Variants in LGSN observed in about 807,000 individuals in gnomAD.
LGSN encodes lengsin, lens protein with glutamine synthetase domain, also known as lengsin.
In LGSN, 21 loss-of-function variants were observed where a neutral mutation model predicts 19.5. The ratio of observed to expected loss-of-function variants is 1.07; its 90% CI spans 0.76 to 1.55. LGSN has a LOEUF of 1.55. LGSN is among the 40% of genes most tolerant of loss of function. LGSN has a pLI of 0.00. For missense variants in LGSN, 673 were observed against 608.5 expected, an observed-to-expected ratio of 1.11 and a Z score of -1.12; for synonymous variants, 257 against 215.6, an observed-to-expected ratio of 1.19 and a Z score of -1.68.
the LGSN span, among the ~76,000 whole-genome samples, chr6:63,440,042 C>CAA: frequency 3.9e-5 from 6 of 152,272 alleles, no homozygotes; most frequent in South Asian, 1.2e-3. Flanking sequence ...TTTAAAAAGA[C>CAA]AAACATAGGT....
chr6:63,416,959 A>AC, the LGSN span, among the ~76,000 whole-genome samples: 4 of 150,320 alleles, frequency 2.7e-5, no homozygotes, highest in East Asian at 7.8e-4. Context: ...ACACACACAC[A>AC]TTTAACGAAA....
At chr6:63,526,777 A>C in the LGSN span, among the ~76,000 whole-genome samples, 1 of 145,474 alleles carries the variant, frequency 6.9e-6, no homozygotes, top group Non-Finnish European at 1.5e-5. Flanking sequence ...CCAACCTGCG[A>C]CAGAGCAAGA....
At chr6:63,475,083 A>G in the LGSN span, among the ~76,000 whole-genome samples, 1 of 152,142 alleles carries the variant, frequency 6.6e-6, no homozygotes, top group East Asian at 1.9e-4. Flanking sequence ...CTGTAAGAAC[A>G]ATGACCTCTA....
At position 63,277,076 on chromosome 6, in the gene LGSN, G is replaced by C. The variant is rs192059748; in HGVS notation, c.*2945C>G. Reference sequence around the variant, plus strand: ...TGGCTGAATATTTTCTTTGACTCACGACTGTACACTTAATACTGAAGATAA... The same window carrying C: ...TGGCTGAATATTTTCTTTGACTCACCACTGTACACTTAATACTGAAGATAA... On this transcript the variant is annotated 3_prime_UTR_variant, in exon 4 of 4. Coordinates refer to ENST00000370657, the MANE Select transcript of LGSN (RefSeq NM_016571.3). 1.3e-5 allele frequency: 2 copies of C among 152,122 alleles called. No homozygotes were observed. The highest frequency in any genetic ancestry group is 4.8e-5 in the African/African-American group (2 of 41,410). 9.4% of individuals were successfully genotyped at this position (152,122 alleles called of 1,614,324 possible).
chr6:63,491,151 C>A, the LGSN span, among the ~76,000 whole-genome samples: 1 of 152,168 alleles, frequency 6.6e-6, no homozygotes, highest in South Asian at 2.1e-4. Flanking sequence ...GGTTAACCAG[C>A]ACCTTTCTCT....
At chr6:63,528,592 A>G in the LGSN span, among the ~76,000 whole-genome samples, 13 of 151,938 alleles carry the variant, frequency 8.6e-5, no homozygotes, top group Non-Finnish European at 1.8e-4. Flanking sequence ...TTAGCCAGCC[A>G]TGAAAAACTA....
the LGSN span, among the ~76,000 whole-genome samples, chr6:63,521,219 T>G: frequency 1.3e-5 from 2 of 149,624 alleles, no homozygotes; most frequent in East Asian, 3.9e-4. Context: ...GCCCAAAACT[T>G]AAAGTAAAAT....
the LGSN span, among the ~76,000 whole-genome samples, chr6:63,421,638 G>A: frequency 2.3e-4 from 35 of 151,840 alleles, no homozygotes; most frequent in African/African-American, 8.2e-4. Context: ...TGAGGCAAGA[G>A]AATCGCTTAA....
the LGSN span, among the ~76,000 whole-genome samples, chr6:63,354,646 A>G: frequency 6.6e-6 from 1 of 152,168 alleles, no homozygotes; most frequent in Admixed American, 6.5e-5. Context: ...GCAATTATCC[A>G]AAGGAAAGGA....
At chr6:63,302,485 A>G (rs1304979434) in intron 1 of LGSN, among the ~76,000 whole-genome samples, 1 of 152,240 alleles carries the variant, frequency 6.6e-6, no homozygotes, top group Non-Finnish European at 1.5e-5. Flanking sequence ...AATGATATAC[A>G]TTTGGACGGG....
chr6:63,404,537 A>G, the LGSN span, among the ~76,000 whole-genome samples: 1 of 152,278 alleles, frequency 6.6e-6, no homozygotes, highest in East Asian at 1.9e-4. Context: ...CAAGATCAGG[A>G]CACCAGCAGA....
At chr6:63,439,087 A>G in the LGSN span, among the ~76,000 whole-genome samples, 4 of 152,202 alleles carry the variant, frequency 2.6e-5, no homozygotes, top group Admixed American at 1.3e-4. Flanking sequence ...CATCATTCTC[A>G]GTAAACTATC....
chr6:63,513,928 A>C, the LGSN span, among the ~76,000 whole-genome samples: 50 of 149,088 alleles, frequency 3.4e-4, 3 homozygotes, highest in African/African-American at 1.2e-3. Flanking sequence ...AAAAAAAAAA[A>C]AAAAAAAACA....
the LGSN span, among the ~76,000 whole-genome samples, chr6:63,417,157 C>G: frequency 5.9e-5 from 9 of 152,136 alleles, no homozygotes; most frequent in African/African-American, 2.2e-4. Flanking sequence ...GAAGAAAAGA[C>G]ATACTTCTTC....
At chr6:63,469,319 C>T in the LGSN span, among the ~76,000 whole-genome samples, 1 of 152,138 alleles carries the variant, frequency 6.6e-6, no homozygotes, top group African/African-American at 2.4e-5. Context: ...TTGATTGCTT[C>T]TTTATGCTTT....
At chr6:63,466,706 C>A in the LGSN span, among the ~76,000 whole-genome samples, 1 of 152,010 alleles carries the variant, frequency 6.6e-6, no homozygotes, top group Non-Finnish European at 1.5e-5. Flanking sequence ...AAGTTTTGGA[C>A]CCAAGCAACT....
At chr6:63,403,607 ATC>A in the LGSN span, among the ~76,000 whole-genome samples, 1 of 152,194 alleles carries the variant, frequency 6.6e-6, no homozygotes, top group Non-Finnish European at 1.5e-5. Flanking sequence ...TCGGGGGAAG[ATC>A]AATACAATTG....
chr6:63,364,733 T>G, the LGSN span, among the ~76,000 whole-genome samples: 3 of 151,542 alleles, frequency 2.0e-5, no homozygotes, highest in African/African-American at 7.3e-5. Context: ...TACAAAAAAC[T>G]GTCTCTCAGA....
At chr6:63,475,392 G>C in the LGSN span, among the ~76,000 whole-genome samples, 1 of 148,190 alleles carries the variant, frequency 6.7e-6, no homozygotes, top group African/African-American at 2.5e-5. Context: ...GACATCCAAA[G>C]ATATCATACC....
Sources: allele counts gnomAD v4.1 joint callset (sites outside exome capture counted in the v4.1 genomes callset), GRCh38; gene constraint gnomAD v4.1.1; transcripts MANE v1.5; gene names NCBI Gene and HGNC (gene_info 2026-07-23, HGNC 2026-07-21).